RAI14: variants seen among roughly 807,000 people sequenced by gnomAD.
RAI14 encodes ankycorbin.
Under a neutral mutation model 115.4 loss-of-function variants are expected in RAI14, and 45 were observed. The observed-to-expected ratio is 0.39, with a 90% confidence interval of 0.31 to 0.50. The LOEUF (loss-of-function observed/expected upper bound fraction) is 0.50, where lower values mean the gene tolerates loss of function less well. RAI14 is among the 20% of genes least tolerant of loss of function. The pLI, the probability that RAI14 is intolerant of heterozygous loss-of-function variation, is 0.85. For missense variants in RAI14, 939 were observed against 1,131.2 expected, an observed-to-expected ratio of 0.83 and a Z score of 2.44; for synonymous variants, 371 against 415.4, an observed-to-expected ratio of 0.89 and a Z score of 1.30.
chr5:34,662,981 C>T (rs1382072935), intron 1 of RAI14, among the ~76,000 whole-genome samples: 1 of 152,066 alleles, frequency 6.6e-6, no homozygotes, highest in Non-Finnish European at 1.5e-5. Context: ...AGTGATCCAC[C>T]TGCCTTGGCC....
chr5:34,674,698 C>T (rs1204280699), intron 1 of RAI14, among the ~76,000 whole-genome samples: 1 of 151,642 alleles, frequency 6.6e-6, no homozygotes, highest in African/African-American at 2.4e-5. Context: ...GATTCTCCTG[C>T]TTCAGCCTCC....
At chr5:34,790,785 G>A (rs1430936559) in intron 3 of RAI14, among the ~76,000 whole-genome samples, 2 of 146,270 alleles carry the variant, frequency 1.4e-5, no homozygotes, top group Admixed American at 6.9e-5. Flanking sequence ...TATATATATA[G>A]TATATAGTAT....
At chr5:34,825,691 G>T (rs1406639441) in intron 15 of RAI14, among the ~76,000 whole-genome samples, 2 of 151,908 alleles carry the variant, frequency 1.3e-5, no homozygotes, top group African/African-American at 4.8e-5. Flanking sequence ...GAAGCAAAGG[G>T]GAAGTTCAGG....
intron 3 of RAI14, among the ~76,000 whole-genome samples, chr5:34,764,540 TCTC>T (rs201608859): frequency 0.32 from 45,215 of 141,936 alleles, 9,535 homozygotes; most frequent in African/African-American, 0.61. Flanking sequence ...GTGAATTTTC[TCTC>T]TCTCTCTCTC....
intron 3 of RAI14, among the ~76,000 whole-genome samples, chr5:34,773,208 T>TG (rs2150137069): frequency 6.6e-6 from 1 of 152,294 alleles, no homozygotes; most frequent in South Asian, 2.1e-4. Context: ...GATATCCATA[T>TG]GTAGAAGAAT....
At chr5:34,747,169 C>T (rs1746374961) in intron 2 of RAI14, among the ~76,000 whole-genome samples, 1 of 152,202 alleles carries the variant, frequency 6.6e-6, no homozygotes, top group Non-Finnish European at 1.5e-5. Flanking sequence ...TTGGCTTTCT[C>T]CTCTGGAGAG....
chr5:34,786,681 A>G (rs1363358851), intron 3 of RAI14, among the ~76,000 whole-genome samples: 1 of 151,974 alleles, frequency 6.6e-6, no homozygotes, highest in East Asian at 1.9e-4. Flanking sequence ...TTGGTTCCAC[A>G]TTTTCCAACT....
At chr5:34,814,339 G>C (rs1280090108) in intron 11 of RAI14, among the ~76,000 whole-genome samples, 1 of 152,138 alleles carries the variant, frequency 6.6e-6, no homozygotes. Flanking sequence ...TGCAATAGAA[G>C]TTTTATAGAT....
chr5:34,681,554 G>A (rs1378011370), intron 1 of RAI14, among the ~76,000 whole-genome samples: 1 of 152,106 alleles, frequency 6.6e-6, no homozygotes, highest in Non-Finnish European at 1.5e-5. Context: ...AAGTGCAGTA[G>A]CATGATCATG....
At chr5:34,686,056 A>G (rs1744834274) in intron 1 of RAI14, among the ~76,000 whole-genome samples, 2 of 152,180 alleles carry the variant, frequency 1.3e-5, no homozygotes, top group African/African-American at 4.8e-5. Context: ...GGAGACGGGA[A>G]CAAACACTGA....
At chr5:34,781,665 CT>C (rs1281084127) in intron 3 of RAI14, among the ~76,000 whole-genome samples, 1 of 152,212 alleles carries the variant, frequency 6.6e-6, no homozygotes, top group Non-Finnish European at 1.5e-5. Flanking sequence ...GGTGCAGCAG[CT>C]TTAGAAAACA....
At chr5:34,685,644 C>T (rs1191042789) in intron 1 of RAI14, 2 of 151,716 alleles carry the variant, frequency 1.3e-5, no homozygotes, top group Non-Finnish European at 2.9e-5. Context: ...GGTTCTGAAT[C>T]TCATCATGAA....
rs1311780995 is a variant in RAI14 at position 34,706,087 on chromosome 5, TTC to T, written c.36+19134_36+19135del. The stretch of plus-strand genomic sequence containing the variant: ...TTTTTAAATGCTGTGATTTTGGACT[TTC>T]TGTGTTTTTTTTCTGTGAAGGTTTT... On this transcript the variant is annotated intron_variant, in intron 2 of 17. Transcript: ENST00000265109. 5.3e-5 allele frequency among the ~76,000 whole-genome samples: 8 copies of T among 152,344 alleles called. No homozygotes were observed. The South Asian group carries it at 1.2e-3, about 24-fold the overall frequency.
intron 2 of RAI14, among the ~76,000 whole-genome samples, chr5:34,749,005 A>G (rs1011070749): frequency 6.6e-6 from 1 of 152,162 alleles, no homozygotes; most frequent in Admixed American, 6.5e-5. Flanking sequence ...CAACTGGGGA[A>G]AATATTATTT....
In RAI14 at chr5:34,827,763, CAT is replaced by C. The variant is rs1026470947; in HGVS notation, c.2799+1285_2799+1286del. ...TACAGTAATTCTTATAATTACGCAA[CAT>C]GTGTTTGTTGAGCTCTTACATCAGT... On this transcript the variant is annotated intron_variant, in intron 16 of 17. Transcript: ENST00000265109. This position sits in a 1 kb window ranked among gnomAD's most constrained non-coding sequence, Gnocchi z 4.2. Among the ~76,000 whole-genome samples, 5 of 152,280 alleles carry C rather than the reference CAT, an allele frequency of 3.3e-5. No homozygotes were observed. The highest frequency in any genetic ancestry group is 1.2e-4 in the African/African-American group (5 of 41,558).
chr5:34,812,722 A>G (rs1755750718), intron 10 of RAI14, among the ~76,000 whole-genome samples: 1 of 152,170 alleles, frequency 6.6e-6, no homozygotes, highest in African/African-American at 2.4e-5. Context: ...AAAAGCATGT[A>G]ACTTTAAACT....
Position 34,826,398 on chromosome 5 carries a change from C to T in RAI14, c.2718C>T (p.Tyr906=), listed in dbSNP as rs769588646. The T allele has an allele frequency of 1.5e-5, 25 of 1,614,116 alleles. No individual in the cohort carries two copies. Among genetic ancestry groups the T allele is most frequent in the Non-Finnish European group, 2.1e-5 (25 of 1,179,982 alleles). The change falls in exon 16 of 18, where the codon TAC becomes TAT. Residue 906 remains tyrosine (Y), a synonymous_variant. Coordinates refer to ENST00000265109, the MANE Select transcript of RAI14 (RefSeq NM_015577.3). ...EALNSLSQLS[Y]STSSSKRQSQ... Reference sequence around the variant, plus strand: ...TGAACAGCCTCTCCCAGCTCTCCTACTCAACAAGCTCATCCAAAAGGCAGA... The same window carrying T: ...TGAACAGCCTCTCCCAGCTCTCCTATTCAACAAGCTCATCCAAAAGGCAGA...
chr5:34,716,772 TTTCTC>T (rs1284735261), intron 2 of RAI14: 1 of 152,226 alleles, frequency 6.6e-6, no homozygotes, highest in African/African-American at 2.4e-5. Flanking sequence ...TTTTCACTCT[TTTCTC>T]CTGCTTTCTA....
chr5:34,811,742 A>G lies in RAI14; in HGVS notation c.558-25A>G, dbSNP rs376286087. 14 of 1,586,040 alleles carry G rather than the reference A, an allele frequency of 8.8e-6. No homozygotes were observed. The African/African-American group carries it at 1.8e-4, about 20-fold the overall frequency. On this transcript the variant is annotated intron_variant, in intron 8 of 17. Coordinates refer to ENST00000265109, the MANE Select transcript of RAI14 (RefSeq NM_015577.3). ...GACTTTTTACATTCTCTTAGTACTA[A>G]TTTTGTGTCTCTTTTTTCCTTTAGA...
Sources: allele counts gnomAD v4.1 joint callset (sites outside exome capture counted in the v4.1 genomes callset), GRCh38; gene constraint gnomAD v4.1.1; non-coding constraint Gnocchi (gnomAD v3.1); transcripts MANE v1.5; gene names NCBI Gene and HGNC (gene_info 2026-07-23, HGNC 2026-07-21).